B3GALT1: variants seen among roughly 807,000 people sequenced by gnomAD.
B3GALT1 encodes the protein UDP-Gal:betaGlcNAc beta 1,3-galactosyltransferase, polypeptide 1.
A neutral mutation model predicts 23.2 loss-of-function variants in B3GALT1; 10 were observed. The observed-to-expected ratio is 0.43, with a 90% CI of 0.27 to 0.73. The LOEUF is 0.73. Among genes scored for constraint, B3GALT1 ranks in the 30% least tolerant of loss-of-function variants. The pLI is 0.21. For missense variants in B3GALT1, 299 were observed against 405.4 expected, an observed-to-expected ratio of 0.74 and a Z score of 2.25; for synonymous variants, 156 against 141.5, an observed-to-expected ratio of 1.10 and a Z score of -0.73.
chr2:167,752,769 G>A (rs1485018787), intron 3 of B3GALT1, among the ~76,000 whole-genome samples: 2 of 152,134 alleles, frequency 1.3e-5, no homozygotes, highest in Non-Finnish European at 2.9e-5. Context: ...AAAACTGTAG[G>A]ACTGTCACCT....
intron 1 of B3GALT1, among the ~76,000 whole-genome samples, chr2:167,330,326 G>C (rs941561578): frequency 6.6e-6 from 1 of 151,982 alleles, no homozygotes; most frequent in African/African-American, 2.4e-5. Context: ...GTATCTTGTG[G>C]CCAGGCACAG....
intron 4 of B3GALT1, among the ~76,000 whole-genome samples, chr2:167,822,122 T>C (rs1230580025): frequency 6.6e-6 from 1 of 152,172 alleles, no homozygotes; most frequent in Non-Finnish European, 1.5e-5. Flanking sequence ...ACCCTGCTTT[T>C]TCCTCTTTAT....
At chr2:167,667,702 C>A (rs1686229860) in intron 3 of B3GALT1, among the ~76,000 whole-genome samples, 1 of 152,216 alleles carries the variant, frequency 6.6e-6, no homozygotes, top group Non-Finnish European at 1.5e-5. Context: ...TCATTCATTT[C>A]ATCTTCCATC....
rs566764950 is a variant in B3GALT1, at chr2:167,473,954, A to G, written c.-510-16223A>G. ...GGGAGTGAACCATATGGGACACAGA[A>G]GGGTAAGTGGATATTTACTGGGAAG... On this transcript the variant is annotated intron_variant, in intron 1 of 4. Coordinates refer to ENST00000392690, the MANE Select transcript of B3GALT1 (RefSeq NM_020981.4). Among the ~76,000 whole-genome samples the G allele has an allele frequency of 1.2e-4, 18 of 152,290 alleles. No homozygotes were observed. The South Asian group carries it at 3.7e-3, about 32-fold the overall frequency.
intron 1 of B3GALT1, among the ~76,000 whole-genome samples, chr2:167,317,913 A>T (rs767805228): frequency 1.7e-4 from 26 of 152,134 alleles, no homozygotes; most frequent in Non-Finnish European, 3.2e-4. Flanking sequence ...TTAGAAGCTA[A>T]ATATAACCTG....
At chr2:167,585,006 T>C (rs1033123224) in intron 2 of B3GALT1, among the ~76,000 whole-genome samples, 1 of 152,202 alleles carries the variant, frequency 6.6e-6, no homozygotes, top group African/African-American at 2.4e-5. Flanking sequence ...AGGGTGCTAC[T>C]GGAGCTGAAT....
chr2:167,861,603 C>T (rs928906642), intron 4 of B3GALT1, among the ~76,000 whole-genome samples: 17 of 152,176 alleles, frequency 1.1e-4, no homozygotes, highest in Admixed American at 3.3e-4. Flanking sequence ...CCAGAGATAG[C>T]AAGTCATTCT....
intron 2 of B3GALT1, among the ~76,000 whole-genome samples, chr2:167,631,191 G>C (rs1417236754): frequency 6.6e-6 from 1 of 151,798 alleles, no homozygotes; most frequent in African/African-American, 2.4e-5. Flanking sequence ...TTCTCTGAAT[G>C]AGACTCTTCT....
At chr2:167,432,918 A>G in intron 1 of B3GALT1, among the ~76,000 whole-genome samples, 1 of 152,176 alleles carries the variant, frequency 6.6e-6, no homozygotes, top group East Asian at 1.9e-4. Context: ...TGATGAACCT[A>G]CATTGACACA....
chr2:167,387,689 A>G (rs1014961723), intron 1 of B3GALT1, among the ~76,000 whole-genome samples: 3 of 152,236 alleles, frequency 2.0e-5, no homozygotes, highest in Non-Finnish European at 4.4e-5. Context: ...TAGTGAAATC[A>G]TAGAATGTGC....
chr2:167,661,641 C>G (rs1228775931), intron 3 of B3GALT1, among the ~76,000 whole-genome samples: 1 of 152,050 alleles, frequency 6.6e-6, no homozygotes, highest in African/African-American at 2.4e-5. Flanking sequence ...TAGACATTGT[C>G]TAATGTCCCC....
At chr2:167,756,997 C>T (rs1401610657) in intron 3 of B3GALT1, among the ~76,000 whole-genome samples, 1 of 152,084 alleles carries the variant, frequency 6.6e-6, no homozygotes, top group Admixed American at 6.6e-5. Context: ...AAATTCAAAT[C>T]CTACCTCTCC....
chr2:167,357,306 A>C (rs1697431818), intron 1 of B3GALT1, among the ~76,000 whole-genome samples: 1 of 152,080 alleles, frequency 6.6e-6, no homozygotes, highest in Non-Finnish European at 1.5e-5. Flanking sequence ...TGTGTAATTA[A>C]TTCATATTGC....
chr2:167,561,078 T>TA (rs1393270124), intron 2 of B3GALT1, among the ~76,000 whole-genome samples: 4 of 151,996 alleles, frequency 2.6e-5, no homozygotes, highest in Non-Finnish European at 5.9e-5. Flanking sequence ...TCAGCAAATG[T>TA]AAAAGAACAG....
intron 3 of B3GALT1, among the ~76,000 whole-genome samples, chr2:167,688,942 A>G (rs375362880): frequency 6.6e-6 from 1 of 152,150 alleles, no homozygotes; most frequent in Non-Finnish European, 1.5e-5. Flanking sequence ...ACATGTGCAC[A>G]CAGACATGTT....
At chr2:167,330,282 TGCTAGA>T (rs1406511250) in intron 1 of B3GALT1, among the ~76,000 whole-genome samples, 2 of 147,212 alleles carry the variant, frequency 1.4e-5, no homozygotes, top group Non-Finnish European at 2.9e-5. Context: ...GAGATTCTTC[TGCTAGA>T]TCTAGTCTAT....
intron 1 of B3GALT1, among the ~76,000 whole-genome samples, chr2:167,419,111 T>C (rs1332962704): frequency 2.0e-5 from 3 of 152,194 alleles, no homozygotes; most frequent in African/African-American, 7.2e-5. Flanking sequence ...ACATTGAAAT[T>C]AAAAACAGTT....
rs35384437 is a variant in B3GALT1, at chr2:167,310,879, A to AT, written c.-511+17553dup. The stretch of plus-strand genomic sequence containing the variant: ...GTTCAAGCACTTCTGGAAGTTATTT[A>AT]TTTTTTTTGCTAATGTCTCACATTT... On this transcript the variant is annotated intron_variant, in intron 1 of 4. Transcript: ENST00000392690. 1.7e-3 allele frequency among the ~76,000 whole-genome samples: 257 copies of AT among 151,788 alleles called. 11 individuals carry two copies. The East Asian group carries it at 0.045, about 27-fold the overall frequency.
intron 1 of B3GALT1, among the ~76,000 whole-genome samples, chr2:167,472,478 C>G (rs1199063831): frequency 3.3e-5 from 5 of 152,178 alleles, no homozygotes; most frequent in African/African-American, 1.2e-4. Context: ...ACTGTGGGCA[C>G]TACCCCTTGA....
Sources: allele counts gnomAD v4.1 joint callset (sites outside exome capture counted in the v4.1 genomes callset), GRCh38; gene constraint gnomAD v4.1.1; transcripts MANE v1.5; gene names NCBI Gene and HGNC (gene_info 2026-07-23, HGNC 2026-07-21).